Variants in SMURF1 observed in about 807,000 individuals in gnomAD.
SMURF1 encodes the protein SMAD specific E3 ubiquitin protein ligase 1, also known as E3 ubiquitin-protein ligase SMURF1.
SMURF1 carries 44 observed loss-of-function variants against 98.0 expected under a neutral mutation model. The ratio of observed to expected loss-of-function variants is 0.45; its 90% CI spans 0.35 to 0.58. The LOEUF (loss-of-function observed/expected upper bound fraction) is 0.58, where lower values mean the gene tolerates loss of function less well. SMURF1 is among the 20% of genes least tolerant of loss of function. The pLI, the probability that SMURF1 is intolerant of heterozygous loss-of-function variation, is 0.00. For missense variants in SMURF1, 687 were observed against 938.4 expected (o/e 0.73, Z 3.50); for synonymous variants, 396 against 374.9 (o/e 1.06, Z -0.65).
At chr7:99,053,932 ATTCTT>A (rs959191073) in intron 6 of SMURF1, among the ~76,000 whole-genome samples, 6 of 152,052 alleles carry the variant, frequency 3.9e-5, no homozygotes, top group African/African-American at 9.7e-5. Flanking sequence ...GGCAGTTATA[ATTCTT>A]TTCTTTTCTT....
intron 5 of SMURF1, among the ~76,000 whole-genome samples, chr7:99,055,501 A>G (rs1290479492): frequency 6.7e-6 from 1 of 150,092 alleles, no homozygotes; most frequent in Non-Finnish European, 1.5e-5. Flanking sequence ...AAATAATAAA[A>G]ATAAGAAGTT....
intron 1 of SMURF1, among the ~76,000 whole-genome samples, chr7:99,140,023 C>T (rs1159631853): frequency 2.0e-5 from 3 of 152,124 alleles, no homozygotes; most frequent in African/African-American, 7.2e-5. Flanking sequence ...AAGTGCCCAA[C>T]AGTAATTTGA....
chr7:99,063,760 G>C (rs1314667697), intron 1 of SMURF1, among the ~76,000 whole-genome samples: 1 of 148,540 alleles, frequency 6.7e-6, no homozygotes, highest in Non-Finnish European at 1.5e-5. Context: ...AACACATTAA[G>C]ATGGGTTTAT....
chr7:99,090,450 A>C (rs553853085), intron 1 of SMURF1, among the ~76,000 whole-genome samples: 33 of 152,142 alleles, frequency 2.2e-4, no homozygotes, highest in African/African-American at 7.9e-4. Flanking sequence ...TCCCACATAG[A>C]CCCATAATCC....
At chr7:99,052,173 G>A (rs1795770037) in intron 7 of SMURF1, 32 bp downstream of exon 7, 1 of 1,485,148 alleles carries the variant, frequency 6.7e-7, no homozygotes, top group Admixed American at 2.3e-5. Flanking sequence ...CAGGGCAGAT[G>A]GCATTGGCCA....
chr7:99,077,817 A>G (rs1796498311), intron 1 of SMURF1, among the ~76,000 whole-genome samples: 1 of 152,242 alleles, frequency 6.6e-6, no homozygotes, highest in African/African-American at 2.4e-5. Flanking sequence ...AATCAAAAAG[A>G]AATGTCACTA....
In SMURF1 at chr7:99,079,576, A is replaced by G. The variant is rs958330827; in HGVS notation, c.56-17739T>C. Among the ~76,000 whole-genome samples, 4 of 152,216 alleles carry G rather than the reference A, an allele frequency of 2.6e-5. No homozygotes were observed. In the South Asian group the frequency reaches 8.3e-4, roughly 31 times the overall value. On this transcript the variant is annotated intron_variant, in intron 1 of 17. Transcript: ENST00000361368. Reference sequence around the variant, plus strand: ...AACACACATGGAATTTAGAAAAGCTAACTACATACTAAGCTACAAAAGAGA... The same window carrying G: ...AACACACATGGAATTTAGAAAAGCTGACTACATACTAAGCTACAAAAGAGA...
chr7:99,133,669 A>G (rs1342397082), intron 1 of SMURF1, among the ~76,000 whole-genome samples: 3 of 152,308 alleles, frequency 2.0e-5, no homozygotes, highest in African/African-American at 7.2e-5. Context: ...TATACACCCA[A>G]CAGAAGTGTA....
chr7:99,035,924 A>G, intron 15 of SMURF1: 1 of 593,200 alleles, frequency 1.7e-6, no homozygotes, highest in Non-Finnish European at 3.0e-6. Flanking sequence ...ACGGGTCTCC[A>G]ACCCCAAGGA....
intron 3 of SMURF1, 27 bp downstream of exon 3, chr7:99,060,572 A>G (rs1033890356): frequency 3.2e-6 from 5 of 1,552,860 alleles, no homozygotes; most frequent in Non-Finnish European, 4.4e-6. Flanking sequence ...GCCGCTCCGC[A>G]TGGGGCTTAC....
At chr7:99,063,267 A>ATATAAGATT (rs1796099183) in intron 1 of SMURF1, among the ~76,000 whole-genome samples, 1 of 9,088 alleles carries the variant, frequency 1.1e-4, no homozygotes, top group African/African-American at 2.4e-4. Context: ...ATATATATAT[A>ATATAAGATT]TATATATATA....
At chr7:99,142,676 A>G (rs1209162406) in intron 1 of SMURF1, among the ~76,000 whole-genome samples, 1 of 69,568 alleles carries the variant, frequency 1.4e-5, no homozygotes, top group East Asian at 4.8e-4. Context: ...TGGGGGAGTG[A>G]GAAGAGGGTG....
chr7:99,131,927 C>G (rs1337236835), intron 1 of SMURF1, among the ~76,000 whole-genome samples: 1 of 152,148 alleles, frequency 6.6e-6, no homozygotes, highest in Non-Finnish European at 1.5e-5. Context: ...AAACGTTATT[C>G]AAGATGCAAC....
chr7:99,035,896 T>G (rs1795117986), intron 15 of SMURF1, 180 bp from the exon 16 acceptor site: 2 of 629,602 alleles, frequency 3.2e-6, no homozygotes, highest in Non-Finnish European at 5.5e-6. Context: ...GGCACATGCT[T>G]CCGTCCGCCT....
At chr7:99,125,869 G>T (rs1797733436) in intron 1 of SMURF1, among the ~76,000 whole-genome samples, 1 of 152,098 alleles carries the variant, frequency 6.6e-6, no homozygotes, top group Admixed American at 6.5e-5. Flanking sequence ...GACAACTCAC[G>T]ACTTCTACAG....
At chr7:99,107,557 G>A (rs1797220131) in intron 1 of SMURF1, among the ~76,000 whole-genome samples, 1 of 152,114 alleles carries the variant, frequency 6.6e-6, no homozygotes, top group Non-Finnish European at 1.5e-5. Context: ...GAAATCGCTC[G>A]GACCTAACAC....
intron 1 of SMURF1, among the ~76,000 whole-genome samples, chr7:99,098,662 A>G (rs1010466124): frequency 3.9e-5 from 6 of 152,148 alleles, no homozygotes; most frequent in African/African-American, 1.4e-4. Flanking sequence ...AAATGTCACC[A>G]AACACTAAGC....
chr7:99,032,997 G>C (rs1278657747), intron 17 of SMURF1, 40 bp downstream of exon 17: 3 of 1,593,686 alleles, frequency 1.9e-6, no homozygotes, highest in African/African-American at 1.3e-5. Context: ...CATCCTCTGG[G>C]GCTCCCAGGA....
rs184461437 is a variant in SMURF1, at chr7:99,127,921, C to T, written c.55+15805G>A. 2.0e-5 allele frequency among the ~76,000 whole-genome samples: 3 copies of T among 152,288 alleles called. No homozygotes were observed. In the East Asian group the frequency reaches 5.8e-4, roughly 29 times the overall value. ...TACTACATAGGCGATACGAAATGTA[C>T]TTAAATCGATAAACTGTCTCCTTTT... is the stretch of plus-strand genomic sequence containing the variant. On this transcript the variant is annotated intron_variant, in intron 1 of 17. Transcript: ENST00000361368.
Sources: gnomAD v4.1 joint callset for allele counts (sites outside exome capture counted in the v4.1 genomes callset) on GRCh38, gnomAD v4.1.1 for gene constraint, MANE v1.5 for transcripts, NCBI Gene and HGNC (gene_info 2026-07-23, HGNC 2026-07-21) for gene names.